Variants in DENND1A observed in about 807,000 individuals in gnomAD.
DENND1A encodes the protein DENN domain containing 1A, also known as DENN domain-containing protein 1A.
A neutral mutation model predicts 113.7 loss-of-function variants in DENND1A; 51 were observed. That is an observed-to-expected ratio of 0.45 (90% CI 0.36 to 0.57). The LOEUF (loss-of-function observed/expected upper bound fraction) is 0.57, where lower values mean the gene tolerates loss of function less well. DENND1A is among the 20% of genes least tolerant of loss of function. The pLI is 0.00. For missense variants in DENND1A, 1,258 were observed against 1,395.9 expected, an observed-to-expected ratio of 0.90 and a Z score of 1.57; for synonymous variants, 565 against 570.8, an observed-to-expected ratio of 0.99 and a Z score of 0.14.
chr9:123,422,021 G>C lies in DENND1A; in HGVS notation c.1489-10192C>G, dbSNP rs2045348676. ...CCTGATGGATCCCTGCATCCCTCAC[G>C]ACTCTGTTCCCTTCCCCCAGAAGTT... On this transcript the variant is annotated intron_variant, in intron 19 of 23. Transcript: ENST00000394215. This position sits in a 1 kb window ranked among gnomAD's most constrained non-coding sequence, Gnocchi z 4.8. 6.6e-6 allele frequency among the ~76,000 whole-genome samples: 1 copy of C among 152,052 alleles called. No homozygotes were observed. Among genetic ancestry groups the C allele is most frequent in the South Asian group, 2.1e-4 (1 of 4,818 alleles).
At chr9:123,691,414 A>C (rs987085104) in intron 5 of DENND1A, among the ~76,000 whole-genome samples, 2 of 152,194 alleles carry the variant, frequency 1.3e-5, no homozygotes, top group African/African-American at 4.8e-5. Flanking sequence ...GGCGAACTGG[A>C]TGAAACAGAA....
chr9:123,643,569 T>C (rs1421595968), intron 9 of DENND1A, among the ~76,000 whole-genome samples: 1 of 152,172 alleles, frequency 6.6e-6, no homozygotes, highest in East Asian at 1.9e-4. Context: ...TATTCTTTAT[T>C]ATATAGGACA....
At chr9:123,568,767 G>A (rs1225229272) in intron 12 of DENND1A, among the ~76,000 whole-genome samples, 1 of 152,112 alleles carries the variant, frequency 6.6e-6, no homozygotes, top group Non-Finnish European at 1.5e-5. Context: ...TATCTCCCAA[G>A]GGGATCCGGG....
intron 2 of DENND1A, among the ~76,000 whole-genome samples, chr9:123,863,452 G>A (rs1319616287): frequency 1.3e-5 from 2 of 152,170 alleles, no homozygotes; most frequent in East Asian, 1.9e-4. Context: ...AACACATGGT[G>A]GGGCTTAGAG....
intron 5 of DENND1A, among the ~76,000 whole-genome samples, chr9:123,704,351 G>A (rs1041695479): frequency 3.3e-5 from 5 of 152,178 alleles, no homozygotes; most frequent in Admixed American, 6.5e-5. Context: ...CATCTTTAGT[G>A]TAAGGATAAA....
intron 19 of DENND1A, among the ~76,000 whole-genome samples, chr9:123,435,650 G>T (rs1472475304): frequency 1.3e-5 from 2 of 152,218 alleles, no homozygotes; most frequent in Non-Finnish European, 2.9e-5. Flanking sequence ...CCTGGAAGGG[G>T]TTTGCTGTGA....
intron 8 of DENND1A, among the ~76,000 whole-genome samples, chr9:123,654,309 A>G (rs1429469047): frequency 6.6e-6 from 1 of 152,220 alleles, no homozygotes; most frequent in African/African-American, 2.4e-5. Context: ...AATAGAAATG[A>G]GGAGCTTAAA....
intron 12 of DENND1A, among the ~76,000 whole-genome samples, chr9:123,572,308 T>C (rs1186674075): frequency 6.6e-6 from 1 of 152,226 alleles, no homozygotes; most frequent in Non-Finnish European, 1.5e-5. Context: ...AGTAGCCTTC[T>C]ATTTTATGGG....
At chr9:123,781,225 G>T (rs1831261417) in intron 3 of DENND1A, among the ~76,000 whole-genome samples, 1 of 152,192 alleles carries the variant, frequency 6.6e-6, no homozygotes, top group South Asian at 2.1e-4. Context: ...CTGCCAGTTT[G>T]CCCAGGACAT....
In DENND1A at chr9:123,541,893, A is replaced by G. The variant is rs540145512; in HGVS notation, c.993+15677T>C. 3.9e-5 allele frequency among the ~76,000 whole-genome samples: 6 copies of G among 152,314 alleles called. No individual in the cohort carries two copies. The East Asian group carries it at 7.7e-4, about 20-fold the overall frequency. ...TTCAGGGAGGAGGGAGGGCTTCCCA[A>G]AGTTTCATAGCTCTGAAAAAGTAGC... On this transcript the variant is annotated intron_variant, in intron 13 of 23. Transcript: ENST00000394215.
intron 10 of DENND1A, among the ~76,000 whole-genome samples, chr9:123,625,036 C>T (rs1009762141): frequency 2.6e-5 from 4 of 152,144 alleles, no homozygotes; most frequent in African/African-American, 4.8e-5. Flanking sequence ...CTCCCCATCA[C>T]GGGTCTCTGT....
intron 9 of DENND1A, among the ~76,000 whole-genome samples, chr9:123,640,991 G>A (rs1313484905): frequency 1.3e-5 from 2 of 152,230 alleles, no homozygotes; most frequent in African/African-American, 4.8e-5. Context: ...CTAGCTGGTA[G>A]ACTCTGAAGC....
chr9:123,609,408 C>T lies in DENND1A; in HGVS notation c.765+28G>A, dbSNP rs113379640. ...AATGAAACAAAGCCCCAGGTAGAGC[C>T]ATCTGGGGAGGAAAGAAGCCAACTT... On this transcript the variant is annotated intron_variant, in intron 11 of 23. Coordinates refer to ENST00000394215, the MANE Select transcript of DENND1A (RefSeq NM_001352964.2). 4.3e-5 allele frequency: 69 copies of T among 1,611,502 alleles called. 3 individuals are homozygous for T. The African/African-American group carries it at 5.3e-4, about 12-fold the overall frequency.
At chr9:123,458,096 G>A (rs1172354829) in intron 13 of DENND1A, among the ~76,000 whole-genome samples, 199 bp from the exon 14 acceptor site, 2 of 150,762 alleles carry the variant, frequency 1.3e-5, no homozygotes, top group Non-Finnish European at 2.9e-5. Flanking sequence ...TGCCTCCCGA[G>A]TTCAAGCGAT....
At chr9:123,667,484 G>A (rs2063546786) in intron 7 of DENND1A, among the ~76,000 whole-genome samples, 1 of 152,124 alleles carries the variant, frequency 6.6e-6, no homozygotes, top group Non-Finnish European at 1.5e-5. Flanking sequence ...AGGTGTGGTG[G>A]CGGGCACCTG....
At chr9:123,887,468 C>T (rs920794341) in intron 1 of DENND1A, among the ~76,000 whole-genome samples, 1 of 151,948 alleles carries the variant, frequency 6.6e-6, no homozygotes, top group African/African-American at 2.4e-5. Flanking sequence ...ACGCACAGCA[C>T]AGCTGGGCCT....
chr9:123,450,360 G>A (rs975884835), intron 18 of DENND1A, among the ~76,000 whole-genome samples: 3 of 152,222 alleles, frequency 2.0e-5, no homozygotes, highest in Non-Finnish European at 4.4e-5. Context: ...CAGCCATAGC[G>A]GGTGGGCAGG....
chr9:123,854,770 G>GGTT, intron 2 of DENND1A, among the ~76,000 whole-genome samples: 1 of 150,632 alleles, frequency 6.6e-6, no homozygotes, highest in Non-Finnish European at 1.5e-5. Context: ...TTAAGCAAAT[G>GGTT]GTTACCAGTT....
intron 5 of DENND1A, among the ~76,000 whole-genome samples, chr9:123,711,623 A>G (rs1447678341): frequency 6.8e-6 from 1 of 146,138 alleles, no homozygotes; most frequent in Non-Finnish European, 1.5e-5. Context: ...TACCATGTGC[A>G]CAGTTGATGG....
Sources: gnomAD v4.1 joint callset for allele counts (sites outside exome capture counted in the v4.1 genomes callset) on GRCh38, gnomAD v4.1.1 for gene constraint, Gnocchi (gnomAD v3.1) non-coding constraint, MANE v1.5 for transcripts, NCBI Gene and HGNC (gene_info 2026-07-23, HGNC 2026-07-21) for gene names.